Variants in JHY observed in about 807,000 individuals in gnomAD.
JHY encodes junctional cadherin complex regulator.
In JHY, 69 loss-of-function variants were observed where a neutral mutation model predicts 78.0. That is an observed-to-expected ratio of 0.88 (90% CI 0.73 to 1.08). The LOEUF (loss-of-function observed/expected upper bound fraction) is 1.08, where lower values mean the gene tolerates loss of function less well. Among genes scored for constraint, JHY ranks in the 50% least tolerant of loss-of-function variants. The pLI is 0.00. For missense variants in JHY, 944 were observed against 927.8 expected (o/e 1.02, Z -0.23); for synonymous variants, 368 against 342.6 (o/e 1.07, Z -0.82).
intron 2 of JHY, among the ~76,000 whole-genome samples, chr11:122,901,300 G>C (rs1231508568): frequency 6.6e-6 from 1 of 152,178 alleles, no homozygotes; most frequent in Non-Finnish European, 1.5e-5. Context: ...GTGAGGCAGT[G>C]CGTGAGCAGG....
intron 6 of JHY, among the ~76,000 whole-genome samples, chr11:122,955,720 T>G (rs551902482): frequency 2.1e-4 from 32 of 152,348 alleles, no homozygotes; most frequent in African/African-American, 7.5e-4. Context: ...TTCTCTTGAA[T>G]ATTATAAATA....
chr11:122,922,283 A>C (rs537717896), intron 3 of JHY, among the ~76,000 whole-genome samples: 47 of 152,292 alleles, frequency 3.1e-4, no homozygotes, highest in African/African-American at 1.1e-3. Context: ...CTATCTCTCT[A>C]TATATAAGTA....
chr11:122,955,035 AC>A (rs1864161103), intron 6 of JHY, among the ~76,000 whole-genome samples: 1 of 152,228 alleles, frequency 6.6e-6, no homozygotes, highest in Non-Finnish European at 1.5e-5. Context: ...CAAAAAGGAA[AC>A]CAAATTAAGT....
chr11:122,915,371 C>CTATGCTAGTATCTGA (rs1863213252), intron 3 of JHY, among the ~76,000 whole-genome samples: 1 of 152,188 alleles, frequency 6.6e-6, no homozygotes, highest in South Asian at 2.1e-4. Flanking sequence ...GTGAAAACTG[C>CTATGCTAGTATCTGA]TATGCTAGTA....
rs182566711 is a variant in JHY at position 122,939,178 on chromosome 11, G to A, written c.1634+4103G>A. 6.8e-3 allele frequency among the ~76,000 whole-genome samples: 1,031 copies of A among 152,122 alleles called. 13 individuals carry two copies. The highest frequency in any genetic ancestry group is 0.023 in the African/African-American group (939 of 41,496). On this transcript the variant is annotated intron_variant, in intron 5 of 8. Transcript: ENST00000227349. ...AGTTTTTGGATTTTTGGTAGAGACA[G>A]GGTTTCACCATGTTGGCCAGGATGG...
intron 3 of JHY, chr11:122,905,246 C>T (rs553254253): frequency 6.2e-7 from 1 of 1,613,914 alleles, no homozygotes; most frequent in South Asian, 1.1e-5. Context: ...AGTTCCATTT[C>T]ACAGGTGCAC....
At chr11:122,931,683 G>A (rs938399329) in intron 4 of JHY, among the ~76,000 whole-genome samples, 5 of 152,308 alleles carry the variant, frequency 3.3e-5, no homozygotes, top group African/African-American at 1.2e-4. Flanking sequence ...GGACTCCACG[G>A]TTGAGTCAGG....
At chr11:122,955,579 C>CT (rs1463694102) in intron 6 of JHY, among the ~76,000 whole-genome samples, 2 of 152,104 alleles carry the variant, frequency 1.3e-5, no homozygotes, top group Non-Finnish European at 2.9e-5. Context: ...GCTTTCTGTC[C>CT]TTTTAAATGG....
At chr11:122,923,878 G>A (rs961367450) in intron 3 of JHY, among the ~76,000 whole-genome samples, 14 of 145,842 alleles carry the variant, frequency 9.6e-5, no homozygotes, top group African/African-American at 3.6e-4. Flanking sequence ...CACCACGCCT[G>A]GCTAATTTTT....
chr11:122,933,540 A>C (rs1411481776), intron 4 of JHY, among the ~76,000 whole-genome samples: 1 of 152,250 alleles, frequency 6.6e-6, no homozygotes, highest in Non-Finnish European at 1.5e-5. Context: ...GACTTTGAAA[A>C]GCATAAAGAC....
At chr11:122,888,369 A>G (rs1329289421) in intron 2 of JHY, among the ~76,000 whole-genome samples, 2 of 152,206 alleles carry the variant, frequency 1.3e-5, no homozygotes, top group Non-Finnish European at 2.9e-5. Flanking sequence ...TAACAATGAC[A>G]TCACTTTTTA....
chr11:122,904,365 C>T lies in JHY; in HGVS notation c.785C>T (p.Thr262Ile), dbSNP rs1862940032. ...KQHFVEKNKL[T>I]LGLPTPKTDS... ...CATTTTGTGGAAAAAAACAAGCTCA[C>T]TTTGGGATTACCCACCCCGAAAACG... Residue 262 changes from threonine to isoleucine, a missense_variant, in exon 3 of 9, where the codon ACT (threonine) becomes ATT (isoleucine). Coordinates refer to ENST00000227349, the MANE Select transcript of JHY (RefSeq NM_024806.4). 13 of 1,614,142 alleles carry T rather than the reference C, an allele frequency of 8.1e-6. No individual in the cohort carries two copies. Among genetic ancestry groups the T allele is most frequent in the Non-Finnish European group, 1.0e-5 (12 of 1,180,030 alleles).
At position 122,886,173 on chromosome 11, in the gene JHY, G is replaced by A; in HGVS notation, c.324G>A (p.Trp108Ter). Residue 108 changes from tryptophan to a stop codon, truncating the protein, a stop_gained, in exon 2 of 9, where the codon TGG (tryptophan) becomes TGA (stop). Coordinates refer to ENST00000227349, the MANE Select transcript of JHY (RefSeq NM_024806.4). LOFTEE classifies it high-confidence loss of function. ...CTCGCGAGCAAAACCACCATACCTG[G>A]GACCAGGGCGCCAATAACAGGTAAG... ...QMAREQNHHTWDQGANNRQQP... is the reference protein window; with the variant it reads ...QMAREQNHHT 3 of 1,610,960 alleles carry A rather than the reference G, an allele frequency of 1.9e-6. No homozygotes were observed. The highest frequency in any genetic ancestry group is 2.5e-6 in the Non-Finnish European group (3 of 1,178,130).
chr11:122,946,900 C>A, intron 6 of JHY, 108 bp downstream of exon 6: 2 of 1,350,644 alleles, frequency 1.5e-6, no homozygotes, highest in South Asian at 1.5e-5. Context: ...TGAGTTGCTG[C>A]CACACTGGGT....
chr11:122,955,623 A>G (rs1864174729), intron 6 of JHY, among the ~76,000 whole-genome samples: 1 of 152,184 alleles, frequency 6.6e-6, no homozygotes, highest in Non-Finnish European at 1.5e-5. Context: ...ATTCAATTCT[A>G]TGTGCCCTTC....
Position 122,900,646 on chromosome 11 carries a change from G to A in JHY, c.345-3279G>A, listed in dbSNP as rs11823820. Among the ~76,000 whole-genome samples the A allele has an allele frequency of 6.7e-3, 1,009 of 150,880 alleles. 17 individuals are homozygous for A. Among genetic ancestry groups the A allele is most frequent in the African/African-American group, 0.023 (958 of 41,124 alleles). On this transcript the variant is annotated intron_variant, in intron 2 of 8. Coordinates refer to ENST00000227349, the MANE Select transcript of JHY (RefSeq NM_024806.4). The stretch of plus-strand genomic sequence containing the variant: ...TAGTTTGTTTTTCTCAGGCAGGACC[G>A]TATGCTTAACCTTTTATTCAAATAG...
rs1175932823 is a variant in JHY at position 122,962,273 on chromosome 11, T to A, written c.*2828T>A. On this transcript the variant is annotated 3_prime_UTR_variant, in exon 9 of 9. Coordinates refer to ENST00000227349, the MANE Select transcript of JHY (RefSeq NM_024806.4). ...AACATCAATTTGGGGAAAATCTGTT[T>A]ATCTATACGTGTGGTGTAAGGACTA... Among the ~76,000 whole-genome samples, 2 of 151,168 alleles carry A rather than the reference T, an allele frequency of 1.3e-5. No individual in the cohort carries two copies. The highest frequency in any genetic ancestry group is 4.9e-5 in the African/African-American group (2 of 41,152).
intron 3 of JHY, among the ~76,000 whole-genome samples, chr11:122,912,286 CAAAA>C (rs374121692): frequency 4.1e-5 from 3 of 73,816 alleles, no homozygotes; most frequent in African/African-American, 5.1e-5. Context: ...GACTCCATCT[CAAAA>C]AAAAAAAAAA....
At chr11:122,885,373 C>G (rs1862473833) in intron 1 of JHY, among the ~76,000 whole-genome samples, 1 of 152,114 alleles carries the variant, frequency 6.6e-6, no homozygotes, top group African/African-American at 2.4e-5. Context: ...TAACTACGGA[C>G]CATATTTATA....
Sources: gnomAD v4.1 joint callset for allele counts (sites outside exome capture counted in the v4.1 genomes callset) on GRCh38, gnomAD v4.1.1 for gene constraint, MANE v1.5 for transcripts, NCBI Gene and HGNC (gene_info 2026-07-23, HGNC 2026-07-21) for gene names.